SLC18A1: variants seen among roughly 807,000 people sequenced by gnomAD.
SLC18A1 encodes the protein solute carrier family 18 member A1, also known as chromaffin granule amine transporter.
SLC18A1 carries 69 observed loss-of-function variants against 53.7 expected under a neutral mutation model. That is an observed-to-expected ratio of 1.28 (90% CI 1.06 to 1.57). The LOEUF is 1.57. Ranked by LOEUF, SLC18A1 falls within the 40% of genes most tolerant of loss-of-function variation. SLC18A1 has a pLI of 0.00. For missense variants in SLC18A1, 932 were observed against 668.1 expected (o/e 1.40, Z -4.35); for synonymous variants, 320 against 248.1 (o/e 1.29, Z -2.72).
intron 11 of SLC18A1, 29 bp downstream of exon 11, chr8:20,150,636 CT>C (rs757730625): frequency 6.3e-7 from 1 of 1,586,992 alleles, no homozygotes; most frequent in Non-Finnish European, 8.7e-7. Context: ...TACATTTCTA[CT>C]GTTCGTCCCA....
chr8:20,147,458 A>G, intron 14 of SLC18A1, 67 bp from the exon 15 acceptor site: 1 of 1,579,272 alleles, frequency 6.3e-7, no homozygotes, highest in Non-Finnish European at 8.6e-7. Flanking sequence ...TCCACGTAGG[A>G]CACTATGCTA....
At chr8:20,152,487 T>G (rs28494669) in intron 10 of SLC18A1, among the ~76,000 whole-genome samples, 8,775 of 152,184 alleles carry the variant, frequency 0.058, 657 homozygotes, top group East Asian at 0.29. Flanking sequence ...ATTTTCTGTT[T>G]GATTGGGTAA....
chr8:20,179,320 G>T lies in SLC18A1; in HGVS notation c.289C>A (p.Pro97Thr), dbSNP rs200375068. The T allele has an allele frequency of 6.2e-7, 1 of 1,614,196 alleles. No homozygotes were observed. Among genetic ancestry groups the T allele is most frequent in the Non-Finnish European group, 8.5e-7 (1 of 1,180,038 alleles). The change falls in exon 3 of 16, where the codon CCT becomes ACT. Residue 97 changes from proline to threonine, a missense_variant. By Grantham distance (38) the Pro-to-Thr change is conservative. Coordinates refer to ENST00000276373, the MANE Select transcript of SLC18A1 (RefSeq NM_003053.4). ...NNTVAVEESV[P>T]SGIAWMNDTA... ...TCATTCATCCATGCTATTCCACTAG[G>T]TACGCTTTCTTCAACAGCCACGGTG...
rs200509773 is a variant in SLC18A1, at chr8:20,147,313, A to G, written c.1409T>C (p.Val470Ala). Residue 470 changes from valine (V) to alanine (A), a missense_variant, in exon 15 of 16, where the codon GTC (valine) becomes GCC (alanine). Val to Ala is a moderately conservative substitution (Grantham distance 64). Transcript: ENST00000276373. Reference protein sequence around the residue: ...LMVITGVINIVYAPLCYYLRS... With the variant: ...LMVITGVINIAYAPLCYYLRS... ...CAGGTAGTAGCAGAGTGGAGCATAG[A>G]CGATGTTGATGACCCCAGTGATGAC... The G allele has an allele frequency of 1.9e-5, 30 of 1,613,538 alleles. No individual in the cohort carries two copies. Among genetic ancestry groups the G allele is most frequent in the Non-Finnish European group, 2.5e-5 (29 of 1,179,940 alleles).
chr8:20,166,500 A>C (rs911495731), intron 8 of SLC18A1, among the ~76,000 whole-genome samples: 67 of 151,722 alleles, frequency 4.4e-4, no homozygotes, highest in Admixed American at 3.9e-3. Flanking sequence ...ATTTATTTTG[A>C]GGAAAAAACA....
At chr8:20,171,074 G>C (rs886683851) in intron 8 of SLC18A1, 29 bp downstream of exon 8, 1 of 1,611,848 alleles carries the variant, frequency 6.2e-7, no homozygotes, top group Admixed American at 1.7e-5. Flanking sequence ...CTGTATAACT[G>C]TTAGAAATGG....
intron 6 of SLC18A1, among the ~76,000 whole-genome samples, chr8:20,172,505 T>C (rs577936876): frequency 6.6e-6 from 1 of 152,304 alleles, no homozygotes; most frequent in South Asian, 2.1e-4. Flanking sequence ...AATTAAGTTG[T>C]ATGAGGGAGG....
intron 8 of SLC18A1, among the ~76,000 whole-genome samples, chr8:20,166,287 G>GTGTA (rs1235212014): frequency 0.013 from 1,057 of 78,882 alleles, 67 homozygotes; most frequent in African/African-American, 0.021. Flanking sequence ...GTGTGTGTGT[G>GTGTA]TCTATATATA....
Position 20,145,733 on chromosome 8 carries a change from C to T in SLC18A1, c.*30G>A. ...CCAGGGAAAGAGGTGGTCACTGAGG[C>T]ATCATGAATTCAAGGAGCACCTTCT... On this transcript the variant is annotated 3_prime_UTR_variant, in exon 16 of 16. Coordinates refer to ENST00000276373, the MANE Select transcript of SLC18A1 (RefSeq NM_003053.4). The T allele has an allele frequency of 7.1e-7, 1 of 1,413,644 alleles. No homozygotes were observed. Among genetic ancestry groups the T allele is most frequent in the Non-Finnish European group, 9.9e-7 (1 of 1,006,678 alleles). 87.6% of individuals were successfully genotyped at this position (1,413,644 alleles called of 1,614,324 possible).
At position 20,171,059 on chromosome 8, in the gene SLC18A1, C is replaced by T. The variant is rs1411174879; in HGVS notation, c.858+44G>A. ...GGCATGCCTGGGTTCCTGCATTCAG[C>T]CATCCTGTATAACTGTTAGAAATGG... On this transcript the variant is annotated intron_variant, in intron 8 of 15. Transcript: ENST00000276373. 3.1e-6 allele frequency: 5 copies of T among 1,597,814 alleles called. No homozygotes were observed. The South Asian group carries it at 3.3e-5, about 11-fold the overall frequency.
At chr8:20,148,794 T>A (rs2071471962) in intron 12 of SLC18A1, among the ~76,000 whole-genome samples, 1 of 152,128 alleles carries the variant, frequency 6.6e-6, no homozygotes, top group African/African-American at 2.4e-5. Context: ...ATTTTTAGGG[T>A]TCATGCCTCA....
chr8:20,155,487 G>A lies in SLC18A1; in HGVS notation c.1016-4743C>T, dbSNP rs372538624. ...TTTCACAATTTTCTTGGGGGAAGCC[G>A]AAGGCCGACTAGAGGCAGAAAGCTG... On this transcript the variant is annotated intron_variant, in intron 10 of 15. Coordinates refer to ENST00000276373, the MANE Select transcript of SLC18A1 (RefSeq NM_003053.4). 4.3e-4 allele frequency among the ~76,000 whole-genome samples: 66 copies of A among 152,264 alleles called. 1 individual carries two copies. The highest frequency in any genetic ancestry group is 3.4e-3 in the Middle Eastern group (1 of 294).
intron 5 of SLC18A1, 50 bp from the exon 6 acceptor site, chr8:20,173,178 G>A (rs765135897): frequency 3.3e-5 from 45 of 1,344,410 alleles, no homozygotes; most frequent in African/African-American, 2.5e-4. Flanking sequence ...GCTTCTATCC[G>A]CCTCTCAGAG....
At chr8:20,159,200 C>T (rs2071753876) in intron 10 of SLC18A1, among the ~76,000 whole-genome samples, 1 of 152,170 alleles carries the variant, frequency 6.6e-6, no homozygotes, top group Admixed American at 6.5e-5. Flanking sequence ...AAGGAACTTT[C>T]AACTGCATGA....
At chr8:20,169,107 C>A (rs1028245548) in intron 8 of SLC18A1, among the ~76,000 whole-genome samples, 5 of 152,162 alleles carry the variant, frequency 3.3e-5, no homozygotes, top group African/African-American at 1.2e-4. Context: ...GACATCACCA[C>A]TGAGAGGCGA....
At chr8:20,164,692 T>G (rs902480083) in intron 10 of SLC18A1, among the ~76,000 whole-genome samples, 177 bp downstream of exon 10, 1 of 152,164 alleles carries the variant, frequency 6.6e-6, no homozygotes, top group Admixed American at 6.5e-5. Context: ...CACCCTCCCC[T>G]TTCTCAGACT....
At chr8:20,168,865 T>A (rs1223781672) in intron 8 of SLC18A1, among the ~76,000 whole-genome samples, 1 of 152,236 alleles carries the variant, frequency 6.6e-6, no homozygotes, top group East Asian at 1.9e-4. Context: ...ACTGATGATT[T>A]GGATGAATTG....
intron 4 of SLC18A1, among the ~76,000 whole-genome samples, chr8:20,176,469 A>G (rs11986106): frequency 3.3e-5 from 5 of 152,194 alleles, no homozygotes; most frequent in African/African-American, 9.7e-5. Context: ...AAATGGACTA[A>G]GACACCCCTC....
At position 20,163,063 on chromosome 8, in the gene SLC18A1, G is replaced by T. The variant is rs7836082; in HGVS notation, c.1015+1806C>A. Among the ~76,000 whole-genome samples, 249 of 152,246 alleles carry T rather than the reference G, an allele frequency of 1.6e-3. 2 individuals are homozygous for T. Among genetic ancestry groups the T allele is most frequent in the African/African-American group, 5.6e-3 (233 of 41,540 alleles). Reference sequence around the variant, plus strand: ...TTTATCAATGAAAGAGATTTATTTGGCTCAGGGTTCTGGAGGTTAAGAAGT... The same window carrying T: ...TTTATCAATGAAAGAGATTTATTTGTCTCAGGGTTCTGGAGGTTAAGAAGT... On this transcript the variant is annotated intron_variant, in intron 10 of 15. Coordinates refer to ENST00000276373, the MANE Select transcript of SLC18A1 (RefSeq NM_003053.4).
Sources: allele counts gnomAD v4.1 joint callset (sites outside exome capture counted in the v4.1 genomes callset), GRCh38; gene constraint gnomAD v4.1.1; transcripts MANE v1.5; gene names NCBI Gene and HGNC (gene_info 2026-07-23, HGNC 2026-07-21).